Variants in C1orf105 observed in about 807,000 individuals in gnomAD.
C1orf105 encodes the protein uncharacterized protein C1orf105.
Under a neutral mutation model 20.8 loss-of-function variants are expected in C1orf105, and 17 were observed. The ratio of observed to expected loss-of-function variants is 0.82; its 90% CI spans 0.56 to 1.23. C1orf105 has a LOEUF of 1.23. Among genes scored for constraint, C1orf105 ranks in the 50% most tolerant of loss-of-function variants. The pLI, the probability that C1orf105 is intolerant of heterozygous loss-of-function variation, is 0.00. For synonymous variants in C1orf105, 72 were observed against 72.1 expected, an observed-to-expected ratio of 1.00 and a Z score of 0.01; for missense variants, 219 against 213.5, an observed-to-expected ratio of 1.03 and a Z score of -0.16.
intron 1 of C1orf105, among the ~76,000 whole-genome samples, chr1:172,425,363 C>A (rs939257948): frequency 2.0e-5 from 3 of 152,150 alleles, no homozygotes; most frequent in Admixed American, 2.0e-4. Context: ...CAGTAATATA[C>A]CTGGAGGAAA....
intron 1 of C1orf105, chr1:172,441,915 T>G (rs1573853428): frequency 1.2e-6 from 2 of 1,613,988 alleles, no homozygotes; most frequent in Admixed American, 3.3e-5. Context: ...CGGCTGAAAA[T>G]GCAAAAAGCA....
chr1:172,465,175 A>T, intron 5 of C1orf105, 124 bp from the exon 6 acceptor site: 1,504 of 280,846 alleles, frequency 5.4e-3, no homozygotes, highest in Non-Finnish European at 8.2e-3. Flanking sequence ...AAGCGCAAAA[A>T]CTCCATCTCA....
At chr1:172,461,718 G>A (rs1649705096) in intron 4 of C1orf105, among the ~76,000 whole-genome samples, 1 of 152,184 alleles carries the variant, frequency 6.6e-6, no homozygotes, top group Admixed American at 6.5e-5. Flanking sequence ...TACAAAAATA[G>A]AGACAAGGTC....
At chr1:172,441,871 G>A in intron 1 of C1orf105, 13 of 1,614,184 alleles carry the variant, frequency 8.1e-6, no homozygotes, top group Non-Finnish European at 1.1e-5. Flanking sequence ...AAAGAGTACG[G>A]CTCCCACAGC....
rs554606427 is a variant in C1orf105, at chr1:172,424,321, A to G, written c.21+3415A>G. Among the ~76,000 whole-genome samples, 7 of 152,358 alleles carry G rather than the reference A, an allele frequency of 4.6e-5. No individual in the cohort carries two copies. The East Asian group carries it at 9.6e-4, about 21-fold the overall frequency. On this transcript the variant is annotated intron_variant, in intron 1 of 6. Transcript: ENST00000367727. ...CTCTCAAAACAGCTACTAACAAAGT[A>G]TTTTGATGTTCCACATAACATTATC...
intron 3 of C1orf105, among the ~76,000 whole-genome samples, chr1:172,450,721 C>G (rs1476348927): frequency 1.3e-5 from 2 of 152,234 alleles, no homozygotes; most frequent in African/African-American, 4.8e-5. Flanking sequence ...TCCCCTGCCC[C>G]GGAGCAGCCC....
chr1:172,448,975 C>T (rs1648310851), intron 3 of C1orf105, among the ~76,000 whole-genome samples: 1 of 152,182 alleles, frequency 6.6e-6, no homozygotes, highest in Non-Finnish European at 1.5e-5. Flanking sequence ...CCCTCGGTGT[C>T]ACTGTGGAGC....
At position 172,448,459 on chromosome 1, in the gene C1orf105, G is replaced by A. The variant is rs774494773; in HGVS notation, c.126G>A (p.Ala42=). 1.3e-5 allele frequency: 21 copies of A among 1,612,026 alleles called. No homozygotes were observed. The highest frequency in any genetic ancestry group is 1.2e-4 in the African/African-American group (9 of 74,866). Residue 42 remains alanine (A), a synonymous_variant, in exon 3 of 7, where the codon GCG becomes GCA. Transcript: ENST00000367727. ...SLPRRYPHTS[A]TFLTSSKKNM... is the part of the protein sequence containing the mutation. ...TACTTAGATATCCTCATACCTCTGCGACTTTTCTGACTTCATCCAAGAAGA... is the reference window on the plus strand; with the variant it reads ...TACTTAGATATCCTCATACCTCTGCAACTTTTCTGACTTCATCCAAGAAGA...
intron 6 of C1orf105, among the ~76,000 whole-genome samples, chr1:172,467,663 T>C (rs900894379): frequency 2.0e-5 from 3 of 152,194 alleles, no homozygotes; most frequent in Non-Finnish European, 4.4e-5. Flanking sequence ...GTGATGAGAC[T>C]GAACTGGATC....
At chr1:172,441,466 T>C in intron 1 of C1orf105, 1 of 305,314 alleles carries the variant, frequency 3.3e-6, no homozygotes, top group Non-Finnish European at 6.0e-6. Flanking sequence ...ATGGATGTGT[T>C]ATTTTTTTAA....
At chr1:172,463,673 C>G (rs2149193677) in intron 5 of C1orf105, among the ~76,000 whole-genome samples, 1 of 152,254 alleles carries the variant, frequency 6.6e-6, no homozygotes, top group East Asian at 1.9e-4. Context: ...GTGAAATAAC[C>G]TTTCGAAATT....
intron 1 of C1orf105, among the ~76,000 whole-genome samples, chr1:172,422,374 T>C (rs774004927): frequency 1.9e-4 from 29 of 152,180 alleles, no homozygotes; most frequent in Non-Finnish European, 3.8e-4. Flanking sequence ...TTTCTAGATA[T>C]ACCCTGGGCC....
chr1:172,426,216 C>G (rs1279712245), intron 1 of C1orf105, among the ~76,000 whole-genome samples: 1 of 152,156 alleles, frequency 6.6e-6, no homozygotes, highest in Admixed American at 6.5e-5. Context: ...CATCCTTTTC[C>G]AAAGGTGGCA....
chr1:172,427,208 A>T (rs926398671), intron 1 of C1orf105, among the ~76,000 whole-genome samples: 2 of 151,858 alleles, frequency 1.3e-5, no homozygotes, highest in African/African-American at 4.8e-5. Flanking sequence ...ACTCCCAAAG[A>T]CTCTCATCAC....
At position 172,458,314 on chromosome 1, in the gene C1orf105, G is replaced by A. The variant is rs534124201; in HGVS notation, c.273+1825G>A. On this transcript the variant is annotated intron_variant, in intron 4 of 6. Coordinates refer to ENST00000367727, the MANE Select transcript of C1orf105 (RefSeq NM_139240.4). ...TGCAGATGATATGCTCTTATATAGC[G>A]AAAGTCCTAAGGAATGCACAGAAAA... is the stretch of plus-strand genomic sequence containing the variant. 3.1e-4 allele frequency among the ~76,000 whole-genome samples: 47 copies of A among 152,264 alleles called. No homozygotes were observed. In the East Asian group the frequency reaches 3.7e-3, roughly 12 times the overall value.
At chr1:172,448,404 A>G in intron 2 of C1orf105, 37 bp from the exon 3 acceptor site, 2 of 1,383,544 alleles carry the variant, frequency 1.4e-6, no homozygotes, top group South Asian at 2.4e-5. Flanking sequence ...CAAACATGGG[A>G]CTGCGGTTCT....
At chr1:172,458,430 A>G (rs1649463769) in intron 4 of C1orf105, among the ~76,000 whole-genome samples, 1 of 152,210 alleles carries the variant, frequency 6.6e-6, no homozygotes, top group South Asian at 2.1e-4. Flanking sequence ...GAACAACCCA[A>G]AAATGAAGAA....
intron 1 of C1orf105, chr1:172,441,940 T>G: frequency 6.2e-7 from 1 of 1,614,152 alleles, no homozygotes; most frequent in Non-Finnish European, 8.5e-7. Flanking sequence ...GACCCCCACA[T>G]AGCTCCGGGG....
chr1:172,448,750 A>G (rs925651248), intron 3 of C1orf105, among the ~76,000 whole-genome samples: 1 of 152,190 alleles, frequency 6.6e-6, no homozygotes, highest in Non-Finnish European at 1.5e-5. Flanking sequence ...GCATAAGGTT[A>G]GAATCAACAA....
Sources: allele counts gnomAD v4.1 joint callset (sites outside exome capture counted in the v4.1 genomes callset), GRCh38; gene constraint gnomAD v4.1.1; transcripts MANE v1.5; gene names NCBI Gene and HGNC (gene_info 2026-07-23, HGNC 2026-07-21).